Variants in YBX1 observed in about 807,000 individuals in gnomAD.
The protein encoded by YBX1 is Y-box-binding protein 1.
Under a neutral mutation model 41.4 loss-of-function variants are expected in YBX1, and 3 were observed. That is an observed-to-expected ratio of 0.07 (90% CI 0.03 to 0.19). The LOEUF (loss-of-function observed/expected upper bound fraction) is 0.19, where lower values mean the gene tolerates loss of function less well. Among genes scored for constraint, YBX1 ranks in the 10% least tolerant of loss-of-function variants. The pLI is 1.00. For synonymous variants in YBX1, 133 were observed against 165.8 expected, an observed-to-expected ratio of 0.80 and a Z score of 1.52; for missense variants, 274 against 462.8, an observed-to-expected ratio of 0.59 and a Z score of 3.74.
chr1:42,693,316 T>A (rs1488194075), intron 2 of YBX1, among the ~76,000 whole-genome samples, 174 bp from the exon 3 acceptor site: 1 of 151,992 alleles, frequency 6.6e-6, no homozygotes, highest in Non-Finnish European at 1.5e-5. Context: ...AGGCTACAAC[T>A]GTTTGCAACT....
At chr1:42,690,572 C>T (rs1046558191) in intron 2 of YBX1, among the ~76,000 whole-genome samples, 15 of 152,086 alleles carry the variant, frequency 9.9e-5, no homozygotes, top group African/African-American at 3.4e-4. Flanking sequence ...TCTAATTGTA[C>T]ATATGTATGT....
intron 1 of YBX1, 117 bp from the exon 2 acceptor site, chr1:42,683,286 A>G: frequency 8.2e-7 from 1 of 1,213,046 alleles, no homozygotes; most frequent in South Asian, 1.2e-5. Context: ...GGTGGAGAGA[A>G]AGGGCTGTCA....
At position 42,693,490 on chromosome 1, in the gene YBX1, G is replaced by A. The variant is rs777423091; in HGVS notation, c.231G>A (p.Arg77=). 1 of 1,613,584 alleles carries A rather than the reference G, an allele frequency of 6.2e-7. No homozygotes were observed. Among genetic ancestry groups the A allele is most frequent in the South Asian group, 1.1e-5 (1 of 91,014 alleles). The change falls in exon 3 of 8, where the codon AGG becomes AGA. Residue 77 remains arginine, a splice_region_variant and synonymous_variant. Transcript: ENST00000321358. ...NVRNGYGFIN[R]NDTKEDVFVH... ...TGTTCAACTTGGTTCTGTCTTGCAG[G>A]AATGACACCAAGGAAGATGTATTTG...
At chr1:42,693,645 C>T (rs536350278) in intron 3 of YBX1, 122 bp downstream of exon 3, 4 of 948,424 alleles carry the variant, frequency 4.2e-6, no homozygotes, top group Admixed American at 2.3e-5. Flanking sequence ...TATTTACTTA[C>T]GACAGGAGTA....
At chr1:42,693,546 G>A (rs1293197274) in intron 3 of YBX1, 23 bp downstream of exon 3, 2 of 1,612,148 alleles carry the variant, frequency 1.2e-6, no homozygotes, top group African/African-American at 2.7e-5. Flanking sequence ...GTAGATATTT[G>A]CACTTCTGAT....
chr1:42,694,349 A>G (rs1650409314), intron 3 of YBX1, among the ~76,000 whole-genome samples: 1 of 152,216 alleles, frequency 6.6e-6, no homozygotes, highest in Non-Finnish European at 1.5e-5. Flanking sequence ...TGTAGGCTAC[A>G]TTGAATGTAC....
intron 1 of YBX1, chr1:42,682,932 C>G (rs1182471941): frequency 6.4e-6 from 1 of 157,440 alleles, no homozygotes; most frequent in African/African-American, 2.5e-5. Flanking sequence ...TCCCGCGCCC[C>G]CTGTGGACCC....
chr1:42,700,609 T>TCCCCC (rs5773785), intron 6 of YBX1, among the ~76,000 whole-genome samples, 172 bp from the exon 7 acceptor site: 4 of 48,212 alleles, frequency 8.3e-5, no homozygotes, highest in Non-Finnish European at 1.2e-4. Context: ...CTACTCAGCA[T>TCCCCC]CCCCCCCCCC....
intron 1 of YBX1, chr1:42,683,087 C>T (rs752394283): frequency 1.7e-5 from 9 of 531,220 alleles, no homozygotes; most frequent in South Asian, 1.5e-4. Context: ...TCCGCGTGTG[C>T]TCGGAGGGCG....
intron 6 of YBX1, among the ~76,000 whole-genome samples, chr1:42,698,838 T>A (rs1353833994): frequency 6.6e-6 from 1 of 152,182 alleles, no homozygotes; most frequent in Non-Finnish European, 1.5e-5. Context: ...TGCTTGGAAG[T>A]TATCAATGAA....
intron 5 of YBX1, 108 bp from the exon 6 acceptor site, chr1:42,697,072 A>G: frequency 6.8e-7 from 1 of 1,468,384 alleles, no homozygotes; most frequent in Non-Finnish European, 9.1e-7. Context: ...TGTAGTCACA[A>G]TTACTAGATG....
Position 42,701,401 on chromosome 1 carries a change from A to G in YBX1, c.*31+355A>G, listed in dbSNP as rs376315754. Among the ~76,000 whole-genome samples the G allele has an allele frequency of 3.3e-5, 5 of 152,156 alleles. No individual in the cohort carries two copies. The East Asian group carries it at 5.8e-4, about 18-fold the overall frequency. On this transcript the variant is annotated intron_variant, in intron 7 of 7. Coordinates refer to ENST00000321358, the MANE Select transcript of YBX1 (RefSeq NM_004559.5). ...GTATTCTGAGAAATATGTTAATTAC[A>G]TTATTATTTATGCATTATTTCAAAA...
intron 2 of YBX1, among the ~76,000 whole-genome samples, chr1:42,690,861 A>G (rs1249439699): frequency 2.0e-5 from 3 of 152,362 alleles, no homozygotes; most frequent in African/African-American, 7.2e-5. Context: ...CATCTTGAAG[A>G]CATTTCTTTC....
Position 42,682,694 on chromosome 1 carries a change from A to G in YBX1, c.129A>G (p.Thr43=), listed in dbSNP as rs938251564. The G allele has an allele frequency of 1.6e-6, 2 of 1,248,980 alleles. No individual in the cohort carries two copies. The highest frequency in any genetic ancestry group is 2.0e-6 in the Non-Finnish European group (2 of 1,002,750). 77.4% of individuals were successfully genotyped at this position (1,248,980 alleles called of 1,614,324 possible). Residue 43 remains threonine (T), a synonymous_variant, in exon 1 of 8, where the codon ACA becomes ACG. Coordinates refer to ENST00000321358, the MANE Select transcript of YBX1 (RefSeq NM_004559.5). ...GAGSGGPGGL[T]SAAPAGGDKK... ...GGAGCGGTGGCCCGGGCGGCCTCAC[A>G]TCGGCGGCGCCTGCCGGCGGGGACA... is the stretch of plus-strand genomic sequence containing the variant.
chr1:42,689,624 T>G (rs1405038732), intron 2 of YBX1, among the ~76,000 whole-genome samples: 1 of 152,134 alleles, frequency 6.6e-6, no homozygotes, highest in Non-Finnish European at 1.5e-5. Context: ...GGGTCAAACA[T>G]GGTGAACATG....
At position 42,696,928 on chromosome 1, in the gene YBX1, A is replaced by G; in HGVS notation, c.641A>G (p.Gln214Arg). The G allele has an allele frequency of 1.3e-6, 2 of 1,559,206 alleles. No homozygotes were observed. The highest frequency in any genetic ancestry group is 2.3e-5 in the East Asian group (1 of 44,366). ...RRPQYSNPPVQGEVMEGADNQ... is the reference protein window; with the variant it reads ...RRPQYSNPPVRGEVMEGADNQ... ...CCACAGTATTCCAACCCTCCTGTGCAGGGAGAAGTGATGGAGGTAAGTTTC... is the reference window on the plus strand; with the variant it reads ...CCACAGTATTCCAACCCTCCTGTGCGGGGAGAAGTGATGGAGGTAAGTTTC... Residue 214 changes from glutamine (Q) to arginine (R), a missense_variant, in exon 5 of 8, where the codon CAG (glutamine) becomes CGG (arginine). By Grantham distance (43) the Gln-to-Arg change is conservative (BLOSUM62 1). Transcript: ENST00000321358. The surrounding 1 kb of genome is among the most constrained non-coding windows in gnomAD (Gnocchi z 5.7).
At chr1:42,685,707 A>G (rs756134718) in intron 2 of YBX1, among the ~76,000 whole-genome samples, 4 of 152,150 alleles carry the variant, frequency 2.6e-5, no homozygotes, top group Non-Finnish European at 5.9e-5. Flanking sequence ...GGGTTTTTGG[A>G]TGCGCTGGAT....
At chr1:42,693,346 A>G in intron 2 of YBX1, 144 bp from the exon 3 acceptor site, 1 of 788,238 alleles carries the variant, frequency 1.3e-6, no homozygotes, top group Non-Finnish European at 2.1e-6. Flanking sequence ...TTGAAAGCAG[A>G]GAGCATGGTG....
At chr1:42,683,675 A>T (rs1650119998) in intron 2 of YBX1, among the ~76,000 whole-genome samples, 1 of 152,234 alleles carries the variant, frequency 6.6e-6, no homozygotes, top group Non-Finnish European at 1.5e-5. Flanking sequence ...GCAGCTAAAT[A>T]TTAATTTGAA....
Sources: allele counts gnomAD v4.1 joint callset (sites outside exome capture counted in the v4.1 genomes callset), GRCh38; gene constraint gnomAD v4.1.1; non-coding constraint Gnocchi (gnomAD v3.1); transcripts MANE v1.5; gene names NCBI Gene and HGNC (gene_info 2026-07-23, HGNC 2026-07-21).